The following PRSS35 variants were observed in gnomAD, a reference collection of about 807,000 sequenced individuals.
PRSS35 encodes the protein serine protease 35.
In PRSS35, 7 loss-of-function variants were observed where a neutral mutation model predicts 8.1. The observed-to-expected ratio is 0.86, with a 90% CI of 0.49 to 1.62. The LOEUF (loss-of-function observed/expected upper bound fraction) is 1.62, where lower values mean the gene tolerates loss of function less well. PRSS35 is among the 40% of genes most tolerant of loss of function. PRSS35 has a pLI of 0.00. For missense variants in PRSS35, 566 were observed against 518.0 expected (o/e 1.09, Z -0.90); for synonymous variants, 199 against 188.7 (o/e 1.05, Z -0.45).
In PRSS35 at chr6:83,522,556, T is replaced by TC. The variant is rs904511205; in HGVS notation, c.-20-859dup. Among the ~76,000 whole-genome samples the TC allele has an allele frequency of 5.9e-5, 9 of 151,976 alleles. 1 individual carries two copies. Among genetic ancestry groups the TC allele is most frequent in the South Asian group, 4.2e-4 (2 of 4,804 alleles). Reference sequence around the variant, plus strand: ...GGGACTATATCTAACCATTCTCATGTCCCCCCCAAACAGCCTGTACTTCAT... The same window carrying TC: ...GGGACTATATCTAACCATTCTCATGTCCCCCCCCAAACAGCCTGTACTTCAT... On this transcript the variant is annotated intron_variant, in intron 1 of 1. Transcript: ENST00000369700.
rs753294556 is a variant in PRSS35, at chr6:83,523,697, AC to A, written c.257del (p.Thr86MetfsTer10). On this transcript the variant is annotated frameshift_variant, in exon 2 of 2. Transcript: ENST00000369700. LOFTEE classifies it low-confidence loss of function (END_TRUNC). Reference sequence around the variant, plus strand: ...ATTGGAGGATTATCTTTCCTATGAGACTGTCTTTGAGAATGGCACCCGAACC... The same window carrying A: ...ATTGGAGGATTATCTTTCCTATGAGATGTCTTTGAGAATGGCACCCGAACC... ...SELEDYLSYE[T>X]VFENGTRTLT... The A allele has an allele frequency of 6.2e-7, 1 of 1,614,148 alleles. No homozygotes were observed. The highest frequency in any genetic ancestry group is 1.1e-5 in the South Asian group (1 of 91,076).
In PRSS35 at chr6:83,523,633, C is replaced by T. The variant is rs34790062; in HGVS notation, c.192C>T (p.Ile64=). The T allele has an allele frequency of 6.2e-7, 1 of 1,614,088 alleles. No homozygotes were observed. The highest frequency in any genetic ancestry group is 8.5e-7 in the Non-Finnish European group (1 of 1,179,998). Reference sequence around the variant, plus strand: ...TGATGGTAAATACAGTGTGTGGCATCGAATGCCAGAAAGAACTCCCAACTC... The same window carrying T: ...TGATGGTAAATACAGTGTGTGGCATTGAATGCCAGAAAGAACTCCCAACTC... The part of the protein sequence containing the change: ...AKMMVNTVCG[I]ECQKELPTPS... The change falls in exon 2 of 2, where the codon ATC becomes ATT. Residue 64 remains isoleucine, a synonymous_variant. Coordinates refer to ENST00000369700, the MANE Select transcript of PRSS35 (RefSeq NM_153362.3).
At chr6:83,515,335 A>G (rs1209491844) in intron 1 of PRSS35, among the ~76,000 whole-genome samples, 3 of 152,106 alleles carry the variant, frequency 2.0e-5, no homozygotes, top group African/African-American at 7.2e-5. Flanking sequence ...ATCCTGTTCT[A>G]ATTCTTGTTT....
At chr6:83,513,067 T>C (rs569634982) in intron 1 of PRSS35, among the ~76,000 whole-genome samples, 1 of 152,178 alleles carries the variant, frequency 6.6e-6, no homozygotes, top group South Asian at 2.1e-4. Context: ...CTCTCCCCTC[T>C]ACCCTTTTAT....
At chr6:83,517,464 A>C (rs1295982804) in intron 1 of PRSS35, among the ~76,000 whole-genome samples, 2 of 152,170 alleles carry the variant, frequency 1.3e-5, no homozygotes, top group Non-Finnish European at 2.9e-5. Context: ...CCCCCAAATA[A>C]AACTGACTAT....
At position 83,524,722 on chromosome 6, in the gene PRSS35, A is replaced by T. The variant is rs951052669; in HGVS notation, c.*39A>T. 6.5e-7 allele frequency: 1 copy of T among 1,548,970 alleles called. No homozygotes were observed. The highest frequency in any genetic ancestry group is 8.7e-7 in the Non-Finnish European group (1 of 1,149,302). On this transcript the variant is annotated 3_prime_UTR_variant, in exon 2 of 2. Coordinates refer to ENST00000369700, the MANE Select transcript of PRSS35 (RefSeq NM_153362.3). ...CAGGGCGGTGTATCATCTAAATCACAGAGAAAACCAGCTCTGCTTACCGTA... is the reference window on the plus strand; with the variant it reads ...CAGGGCGGTGTATCATCTAAATCACTGAGAAAACCAGCTCTGCTTACCGTA...
intron 1 of PRSS35, among the ~76,000 whole-genome samples, chr6:83,522,080 T>G (rs536269675): frequency 2.6e-5 from 4 of 152,246 alleles, no homozygotes; most frequent in Non-Finnish European, 5.9e-5. Flanking sequence ...TGTGGGCCAT[T>G]GCTAATGTGC....
chr6:83,516,604 A>C (rs116838773), intron 1 of PRSS35, among the ~76,000 whole-genome samples: 4,287 of 149,844 alleles, frequency 0.029, 218 homozygotes, highest in African/African-American at 0.1. Context: ...AAGAAATCTG[A>C]AGTTGTATTG....
At position 83,524,694 on chromosome 6, in the gene PRSS35, A is replaced by C. The variant is rs1187007145; in HGVS notation, c.*11A>C. 2 of 1,590,146 alleles carry C rather than the reference A, an allele frequency of 1.3e-6. No homozygotes were observed. Among genetic ancestry groups the C allele is most frequent in the East Asian group, 4.5e-5 (2 of 44,756 alleles). On this transcript the variant is annotated 3_prime_UTR_variant, in exon 2 of 2. Coordinates refer to ENST00000369700, the MANE Select transcript of PRSS35 (RefSeq NM_153362.3). ...TGTGCTTACGGCTAACAGAGACCTGAAACAGGGCGGTGTATCATCTAAATC... is the reference window on the plus strand; with the variant it reads ...TGTGCTTACGGCTAACAGAGACCTGCAACAGGGCGGTGTATCATCTAAATC...
At chr6:83,523,366 A>C in intron 1 of PRSS35, 56 bp from the exon 2 acceptor site, 1 of 1,339,938 alleles carries the variant, frequency 7.5e-7, no homozygotes, top group African/African-American at 1.5e-5. Context: ...AATGAAATGG[A>C]TAAGTAAGAT....
At chr6:83,523,026 A>T (rs917096252) in intron 1 of PRSS35, among the ~76,000 whole-genome samples, 1 of 152,144 alleles carries the variant, frequency 6.6e-6, no homozygotes, top group Admixed American at 6.5e-5. Context: ...ATTTGCTTTT[A>T]TCTTTATTTC....
chr6:83,517,375 T>C (rs988702812), intron 1 of PRSS35, among the ~76,000 whole-genome samples: 1 of 152,210 alleles, frequency 6.6e-6, no homozygotes, highest in African/African-American at 2.4e-5. Context: ...GTTACCTCCA[T>C]GTAGTGCTGC....
intron 1 of PRSS35, 120 bp downstream of exon 1, chr6:83,512,814 ACTTT>A (rs1224585266): frequency 6.6e-6 from 1 of 152,148 alleles, no homozygotes; most frequent in Non-Finnish European, 1.5e-5. Context: ...CAAACTTGAC[ACTTT>A]CTTTCAGTCC....
At chr6:83,515,877 G>A (rs544540897) in intron 1 of PRSS35, among the ~76,000 whole-genome samples, 53 of 151,772 alleles carry the variant, frequency 3.5e-4, no homozygotes, top group Non-Finnish European at 5.9e-4. Context: ...GTGCAATGGC[G>A]TGATCTCACC....
rs2127714562 is a variant in PRSS35 at position 83,525,536 on chromosome 6, G to T, written c.*853G>T. On this transcript the variant is annotated 3_prime_UTR_variant, in exon 2 of 2. Coordinates refer to ENST00000369700, the MANE Select transcript of PRSS35 (RefSeq NM_153362.3). ...TTATGCTATACATTCTATGTATGAG[G>T]TGCTACATTTTTAGGACAAAGAATT... The T allele has an allele frequency of 6.0e-6, 1 of 167,180 alleles. No homozygotes were observed. The highest frequency in any genetic ancestry group is 1.9e-4 in the East Asian group (1 of 5,198). The allele number at this position is 167,180 out of a possible 1,614,324, so 10.4% of individuals were successfully genotyped here.
chr6:83,524,342 A>C lies in PRSS35; in HGVS notation c.901A>C (p.Lys301Gln). The C allele has an allele frequency of 6.2e-7, 1 of 1,614,168 alleles. No individual in the cohort carries two copies. Among genetic ancestry groups the C allele is most frequent in the South Asian group, 1.1e-5 (1 of 91,076 alleles). Residue 301 changes from lysine to glutamine, a missense_variant, in exon 2 of 2, where the codon AAA becomes CAA. By Grantham distance (53) the Lys-to-Gln change is moderately conservative. Coordinates refer to ENST00000369700, the MANE Select transcript of PRSS35 (RefSeq NM_153362.3). The part of the protein sequence containing the change: ...MELGISPTIK[K>Q]MPGGMIHFSG... ...ACTTGGAATCAGCCCAACGATCAAG[A>C]AAATGCCTGGTGGAATGATCCACTT... is the stretch of plus-strand genomic sequence containing the variant.
chr6:83,522,392 G>A (rs550730544), intron 1 of PRSS35, among the ~76,000 whole-genome samples: 44 of 152,238 alleles, frequency 2.9e-4, no homozygotes, highest in African/African-American at 9.9e-4. Flanking sequence ...ATGCCAGTGA[G>A]CCTCAAGAAA....
chr6:83,517,723 A>G (rs1167906366), intron 1 of PRSS35, among the ~76,000 whole-genome samples: 2 of 152,210 alleles, frequency 1.3e-5, no homozygotes, highest in Non-Finnish European at 2.9e-5. Flanking sequence ...GTATGCATGT[A>G]AACAGAGCCA....
Position 83,524,043 on chromosome 6 carries a change from G to C in PRSS35, c.602G>C (p.Arg201Pro). The C allele has an allele frequency of 6.2e-7, 1 of 1,614,130 alleles. No homozygotes were observed. Among genetic ancestry groups the C allele is most frequent in the Non-Finnish European group, 8.5e-7 (1 of 1,180,024 alleles). The change falls in exon 2 of 2, where the codon CGA (arginine) becomes CCA (proline). Residue 201 changes from arginine to proline, a missense_variant. Coordinates refer to ENST00000369700, the MANE Select transcript of PRSS35 (RefSeq NM_153362.3). Reference sequence around the variant, plus strand: ...AATAAAAGTGGAGGCAAGAAACGTCGAGGTTCTAAGAGGAGCAGGAGAGAA... The same window carrying C: ...AATAAAAGTGGAGGCAAGAAACGTCCAGGTTCTAAGAGGAGCAGGAGAGAA... ...MRNKSGGKKR[R>P]GSKRSRREAS...
Sources: allele counts gnomAD v4.1 joint callset (sites outside exome capture counted in the v4.1 genomes callset), GRCh38; gene constraint gnomAD v4.1.1; transcripts MANE v1.5; gene names NCBI Gene and HGNC (gene_info 2026-07-23, HGNC 2026-07-21).